Variants in TRAM2 observed in about 807,000 individuals in gnomAD.
TRAM2 encodes the protein translocating chain-associated membrane protein 2.
In TRAM2, 12 loss-of-function variants were observed where a neutral mutation model predicts 51.0. The ratio of observed to expected loss-of-function variants is 0.24; its 90% CI spans 0.15 to 0.38. The LOEUF (loss-of-function observed/expected upper bound fraction) is 0.38. Among genes scored for constraint, TRAM2 ranks in the 10% least tolerant of loss-of-function variants. The probability of loss-of-function intolerance (pLI) is 1.00; values close to 1 mark genes in which losing one functional copy is unlikely to be tolerated. For synonymous variants in TRAM2, 175 were observed against 179.4 expected, an observed-to-expected ratio of 0.98 and a Z score of 0.20; for missense variants, 361 against 462.0, an observed-to-expected ratio of 0.78 and a Z score of 2.00.
intron 2 of TRAM2, among the ~76,000 whole-genome samples, chr6:52,519,352 T>C (rs1297102538): frequency 6.6e-6 from 1 of 152,120 alleles, no homozygotes. Flanking sequence ...GAAATACAAA[T>C]GGCCAATAAA....
chr6:52,526,523 A>G (rs1382159786), intron 2 of TRAM2, among the ~76,000 whole-genome samples: 1 of 152,104 alleles, frequency 6.6e-6, no homozygotes, highest in African/African-American at 2.4e-5. Flanking sequence ...AGTAGCTGGA[A>G]TTACAGGTGT....
In TRAM2 at chr6:52,504,503, G is replaced by A. The variant is rs562414086; in HGVS notation, c.1039+88C>T. 71 of 1,578,382 alleles carry A rather than the reference G, an allele frequency of 4.5e-5. No individual in the cohort carries two copies. In the East Asian group the frequency reaches 1.2e-3, roughly 26 times the overall value. The stretch of plus-strand genomic sequence containing the variant: ...AGCTGGCAGGATTGGTCTGGGCAGC[G>A]CCCAAGAAGCCAGGTGCCTTGGCTC... On this transcript the variant is annotated intron_variant, in intron 10 of 10. Coordinates refer to ENST00000182527, the MANE Select transcript of TRAM2 (RefSeq NM_012288.4).
chr6:52,517,442 C>T (rs1439269192), intron 2 of TRAM2: 2 of 152,226 alleles, frequency 1.3e-5, no homozygotes, highest in African/African-American at 4.8e-5. Flanking sequence ...AGATAATTTG[C>T]TTACAACAGT....
chr6:52,554,629 T>C (rs1767370989), intron 1 of TRAM2, among the ~76,000 whole-genome samples: 2 of 151,734 alleles, frequency 1.3e-5, no homozygotes, highest in African/African-American at 4.8e-5. Flanking sequence ...GGGGCAGCAA[T>C]GGGCTACTGT....
rs1380274640 is a variant in TRAM2, at chr6:52,499,087, A to C, written c.*4110T>G. Reference sequence around the variant, plus strand: ...CCTTTGCAAGGTGGAGCTAACACTCATGTGAGTAGTGGGGTAGAGTGAGAA... The same window carrying C: ...CCTTTGCAAGGTGGAGCTAACACTCCTGTGAGTAGTGGGGTAGAGTGAGAA... On this transcript the variant is annotated 3_prime_UTR_variant, in exon 11 of 11. Coordinates refer to ENST00000182527, the MANE Select transcript of TRAM2 (RefSeq NM_012288.4). 1 of 152,192 alleles carries C rather than the reference A, an allele frequency of 6.6e-6. No homozygotes were observed. The highest frequency in any genetic ancestry group is 1.5e-5 in the Non-Finnish European group (1 of 68,042). The allele number at this position is 152,192 out of a possible 1,614,324, so 9.4% of individuals were successfully genotyped here. A position where few individuals can be genotyped will look rare whatever the true frequency, so the allele number is the denominator to read the frequency against.
intron 2 of TRAM2, among the ~76,000 whole-genome samples, chr6:52,529,181 G>A (rs1289542163): frequency 3.3e-5 from 5 of 152,216 alleles, no homozygotes; most frequent in East Asian, 3.9e-4. Flanking sequence ...GTGAGCCACC[G>A]TGCCCAGCCA....
At chr6:52,505,889 G>A (rs1163255219) in intron 8 of TRAM2, 143 bp downstream of exon 8, 3 of 1,399,588 alleles carry the variant, frequency 2.1e-6, no homozygotes, top group Non-Finnish European at 2.9e-6. Flanking sequence ...AAAATCAGAT[G>A]TTCCAGAAAA....
At chr6:52,575,237 C>G (rs892602120) in intron 1 of TRAM2, among the ~76,000 whole-genome samples, 2 of 152,144 alleles carry the variant, frequency 1.3e-5, no homozygotes, top group African/African-American at 2.4e-5. Flanking sequence ...TTATGAACGT[C>G]TTTAATGATG....
At chr6:52,549,918 C>G (rs759618513) in intron 1 of TRAM2, among the ~76,000 whole-genome samples, 4 of 152,160 alleles carry the variant, frequency 2.6e-5, no homozygotes, top group Admixed American at 6.5e-5. Flanking sequence ...GTCCTATTCT[C>G]AGAGATGGTA....
intron 1 of TRAM2, among the ~76,000 whole-genome samples, chr6:52,552,930 T>C (rs1767334819): frequency 1.3e-5 from 2 of 152,188 alleles, no homozygotes; most frequent in Non-Finnish European, 2.9e-5. Context: ...TACTATTTTA[T>C]TAAATCCATC....
chr6:52,502,857 AAGC>A lies in TRAM2; in HGVS notation c.*337_*339del. ...GGTGAAAATAGGAAGTAAAAAGGAAAAGCAGCAGCCATAAGGCAAGAGACAGAG... is the reference window on the plus strand; with the variant it reads ...GGTGAAAATAGGAAGTAAAAAGGAAAAGCAGCCATAAGGCAAGAGACAGAG... On this transcript the variant is annotated 3_prime_UTR_variant, in exon 11 of 11. Transcript: ENST00000182527. 3.7e-6 allele frequency: 1 copy of A among 267,236 alleles called. No homozygotes were observed. The highest frequency in any genetic ancestry group is 7.0e-6 in the Non-Finnish European group (1 of 142,124). 16.6% of individuals were successfully genotyped at this position (267,236 alleles called of 1,614,324 possible). A position where few individuals can be genotyped will look rare whatever the true frequency, so the allele number is the denominator to read the frequency against.
At chr6:52,567,801 C>T (rs978114554) in intron 1 of TRAM2, among the ~76,000 whole-genome samples, 1 of 152,244 alleles carries the variant, frequency 6.6e-6, no homozygotes, top group Non-Finnish European at 1.5e-5. Flanking sequence ...AGACATATTT[C>T]ATGCCAACCC....
chr6:52,527,563 T>G (rs919775394), intron 2 of TRAM2, among the ~76,000 whole-genome samples: 1 of 151,794 alleles, frequency 6.6e-6, no homozygotes, highest in Non-Finnish European at 1.5e-5. Flanking sequence ...GAGAAGACAT[T>G]TGGGGGCTCA....
intron 8 of TRAM2, 75 bp downstream of exon 8, chr6:52,505,957 C>T: frequency 6.5e-7 from 1 of 1,537,850 alleles, no homozygotes; most frequent in South Asian, 1.1e-5. Flanking sequence ...AGGGAGGGAC[C>T]CTCCAACCAT....
chr6:52,515,909 C>A, intron 4 of TRAM2, 97 bp downstream of exon 4: 1 of 1,028,946 alleles, frequency 9.7e-7, no homozygotes, highest in Non-Finnish European at 1.5e-6. Context: ...AGAAAAAGAG[C>A]AAGGGGTCCT....
At chr6:52,508,127 C>T in intron 6 of TRAM2, 107 bp downstream of exon 6, 1 of 1,021,340 alleles carries the variant, frequency 9.8e-7, no homozygotes, top group Non-Finnish European at 1.5e-6. Context: ...CTATCACCAC[C>T]CAACACTCCA....
chr6:52,519,710 T>G (rs1766628934), intron 2 of TRAM2, among the ~76,000 whole-genome samples: 1 of 152,138 alleles, frequency 6.6e-6, no homozygotes, highest in Admixed American at 6.5e-5. Flanking sequence ...GCAGCACTAT[T>G]CACAACAGCC....
At chr6:52,506,614 G>A (rs1001044756) in intron 7 of TRAM2, among the ~76,000 whole-genome samples, 2 of 152,128 alleles carry the variant, frequency 1.3e-5, no homozygotes, top group African/African-American at 2.4e-5. Context: ...GTTCTTCCCC[G>A]GTCCTCGCCA....
At chr6:52,535,654 C>A (rs1004412876) in intron 2 of TRAM2, 129 bp downstream of exon 2, 3 of 721,850 alleles carry the variant, frequency 4.2e-6, no homozygotes, top group African/African-American at 1.8e-5. Context: ...GCACTCCAGT[C>A]TGGGTGACAG....
Sources: gnomAD v4.1 joint callset for allele counts (sites outside exome capture counted in the v4.1 genomes callset) on GRCh38, gnomAD v4.1.1 for gene constraint, MANE v1.5 for transcripts, NCBI Gene and HGNC (gene_info 2026-07-23, HGNC 2026-07-21) for gene names.